The following SFSWAP variants were observed in gnomAD, a reference collection of about 807,000 sequenced individuals.
SFSWAP encodes splicing factor SWAP.
A neutral mutation model predicts 100.7 loss-of-function variants in SFSWAP; 17 were observed. The observed-to-expected ratio is 0.17, with a 90% confidence interval of 0.12 to 0.25. SFSWAP has a LOEUF of 0.25. SFSWAP is among the 10% of genes least tolerant of loss of function. The probability of loss-of-function intolerance (pLI) is 1.00; values close to 1 mark genes in which losing one functional copy is unlikely to be tolerated. For synonymous variants in SFSWAP, 504 were observed against 510.1 expected (o/e 0.99, Z 0.16); for missense variants, 1,005 against 1,262.6 (o/e 0.80, Z 3.09).
At chr12:131,766,513 C>T (rs1035916629) in intron 13 of SFSWAP, among the ~76,000 whole-genome samples, 1 of 152,232 alleles carries the variant, frequency 6.6e-6, no homozygotes, top group Admixed American at 6.5e-5. Context: ...AGTGCACAGT[C>T]ACGCCAGCAG....
At chr12:131,728,471 T>A (rs747499684) in intron 7 of SFSWAP, 43 bp downstream of exon 7, 3 of 1,593,626 alleles carry the variant, frequency 1.9e-6, no homozygotes, top group Non-Finnish European at 8.6e-7. Flanking sequence ...TTCAGCTGCC[T>A]GTGACAGAGC....
chr12:131,799,535 G>A lies in SFSWAP; in HGVS notation c.*47G>A, dbSNP rs1885923703. On this transcript the variant is annotated 3_prime_UTR_variant, in exon 18 of 18. Coordinates refer to ENST00000261674, the MANE Select transcript of SFSWAP (RefSeq NM_004592.4). ...GCCGGGAGGCTGCGTGGGCTTCTGGGCAGGCTCACGCAGACGCCGGCCACA... is the reference window on the plus strand; with the variant it reads ...GCCGGGAGGCTGCGTGGGCTTCTGGACAGGCTCACGCAGACGCCGGCCACA... 6.5e-7 allele frequency: 1 copy of A among 1,539,090 alleles called. No individual in the cohort carries two copies. Among genetic ancestry groups the A allele is most frequent in the Non-Finnish European group, 8.9e-7 (1 of 1,118,916 alleles).
At chr12:131,754,626 T>TG in intron 9 of SFSWAP, 127 bp downstream of exon 9, 1 of 272,772 alleles carries the variant, frequency 3.7e-6, no homozygotes, top group Non-Finnish European at 6.0e-6. Flanking sequence ...GGCTCAAATG[T>TG]CTTTTTTTTT....
At chr12:131,784,763 T>G (rs1249716520) in intron 14 of SFSWAP, 4 of 224,980 alleles carry the variant, frequency 1.8e-5, no homozygotes, top group African/African-American at 4.5e-5. Flanking sequence ...TCTAATGGTA[T>G]GTAGCCCCTC....
rs1230095682 is a variant in SFSWAP at position 131,780,710 on chromosome 12, G to A, written c.2408+2380G>A. Among the ~76,000 whole-genome samples the A allele has an allele frequency of 3.3e-5, 5 of 152,268 alleles. No homozygotes were observed. In the Middle Eastern group the frequency reaches 0.01, roughly 311 times the overall value. ...AATAAAAAATTTCCCACTTGAATAT[G>A]TTTCTTACGACATTACATAGCTGAA... On this transcript the variant is annotated intron_variant, in intron 14 of 17. Transcript: ENST00000261674.
At chr12:131,720,736 T>C (rs747720555) in intron 4 of SFSWAP, among the ~76,000 whole-genome samples, 3 of 152,222 alleles carry the variant, frequency 2.0e-5, no homozygotes, top group Non-Finnish European at 4.4e-5. Context: ...AAGGGCAATA[T>C]AAAAATAGCC....
chr12:131,725,613 A>G lies in SFSWAP; in HGVS notation c.815A>G (p.Lys272Arg). The G allele has an allele frequency of 6.2e-7, 1 of 1,613,744 alleles. No homozygotes were observed. Residue 272 changes from lysine to arginine, a missense_variant, in exon 5 of 18, where the codon AAA becomes AGA. Lys to Arg is a conservative substitution (Grantham distance 26). Around this residue, in one of 7 missense-constraint regions of SFSWAP, gnomAD observed 54 missense variants for 51.9 expected, o/e 1.04. Coordinates refer to ENST00000261674, the MANE Select transcript of SFSWAP (RefSeq NM_004592.4). This position sits in a 1 kb window ranked among gnomAD's most constrained non-coding sequence, Gnocchi z 4.3. The part of the protein sequence containing the change: ...EGRYTVLAEN[K>R]SDEKKKSGVS... The stretch of plus-strand genomic sequence containing the variant: ...CGCTACACTGTCCTGGCAGAAAACA[A>G]AAGTGACGAGAAAAAAAGTAGGTCC...
chr12:131,768,960 T>G (rs1213669449), intron 13 of SFSWAP, among the ~76,000 whole-genome samples: 1 of 152,088 alleles, frequency 6.6e-6, no homozygotes, highest in Admixed American at 6.6e-5. Context: ...ACCTCGTCTC[T>G]ACTAAAAATA....
chr12:131,768,181 C>G (rs1331544660), intron 13 of SFSWAP, among the ~76,000 whole-genome samples: 2 of 152,246 alleles, frequency 1.3e-5, no homozygotes, highest in East Asian at 1.9e-4. Flanking sequence ...AAACACAGCA[C>G]TGCATGCAGA....
At chr12:131,721,479 C>A (rs1211036476) in intron 4 of SFSWAP, among the ~76,000 whole-genome samples, 1 of 152,156 alleles carries the variant, frequency 6.6e-6, no homozygotes, top group Non-Finnish European at 1.5e-5. Flanking sequence ...TAACATGAAG[C>A]TTTAAAAAAT....
rs1362035073 is a variant in SFSWAP, at chr12:131,799,048, A to T, written c.2729A>T (p.Gln910Leu). 8 of 1,613,694 alleles carry T rather than the reference A, an allele frequency of 5.0e-6. No homozygotes were observed. The highest frequency in any genetic ancestry group is 6.8e-6 in the Non-Finnish European group (8 of 1,179,550). Reference protein sequence around the residue: ...SSQERSRGVSQEKEAQISSAI... With the variant: ...SSQERSRGVSLEKEAQISSAI... The stretch of plus-strand genomic sequence containing the variant: ...TCTCTCTGCATTAGGGGAGTCTCTC[A>T]GGAAAAAGAAGCCCAGATCTCTTCA... The change falls in exon 17 of 18, where the codon CAG (glutamine) becomes CTG (leucine). Residue 910 changes from glutamine (Q) to leucine (L), a missense_variant. This residue lies in a region of SFSWAP where 295 missense variants were observed against 347.9 expected (regional missense o/e 0.85). Transcript: ENST00000261674.
chr12:131,719,676 G>C, intron 4 of SFSWAP, 137 bp downstream of exon 4: 1 of 680,016 alleles, frequency 1.5e-6, no homozygotes, highest in East Asian at 2.7e-5. Context: ...AGTTAATGGA[G>C]AAAAAGATCA....
Position 131,714,932 on chromosome 12 carries a change from G to A in SFSWAP, c.499G>A (p.Glu167Lys). The change falls in exon 3 of 18, where the codon GAG becomes AAG. Residue 167 changes from glutamate (E) to lysine (K), a missense_variant. By Grantham distance (56) the Glu-to-Lys change is moderately conservative. This residue lies in a region of SFSWAP where 237 missense variants were observed against 337.0 expected (regional missense o/e 0.70). Coordinates refer to ENST00000261674, the MANE Select transcript of SFSWAP (RefSeq NM_004592.4). This position sits in a 1 kb window ranked among gnomAD's most constrained non-coding sequence, Gnocchi z 6.0. ...YYDPSEPTEE[E>K]EPSKQREKNE... The stretch of plus-strand genomic sequence containing the variant: ...CGACCCGTCAGAGCCGACGGAGGAG[G>A]AGGAGCCTTCCAAACAGAGAGGTGA... 1 of 1,614,096 alleles carries A rather than the reference G, an allele frequency of 6.2e-7. No homozygotes were observed. Among genetic ancestry groups the A allele is most frequent in the South Asian group, 1.1e-5 (1 of 91,076 alleles).
rs766442152 is a variant in SFSWAP, at chr12:131,797,299, T to G, written c.2656T>G (p.Ser886Ala). The change falls in exon 16 of 18, where the codon TCG (serine) becomes GCG (alanine). Residue 886 changes from serine (S) to alanine (A), a missense_variant. This residue lies in a region of SFSWAP where 295 missense variants were observed against 347.9 expected (regional missense o/e 0.85). Transcript: ENST00000261674. Reference protein sequence around the residue: ...APRPAAPAAHSAHSASVSPVE... With the variant: ...APRPAAPAAHAAHSASVSPVE... ...CCGGCCCGCGGCCCCCGCGGCCCAC[T>G]CGGCGCACTCAGCCAGCGTCTCCCC... The G allele has an allele frequency of 5.6e-6, 9 of 1,611,194 alleles. No individual in the cohort carries two copies. The East Asian group carries it at 2.0e-4, about 36-fold the overall frequency.
At chr12:131,789,678 C>A (rs1885120821) in intron 15 of SFSWAP, among the ~76,000 whole-genome samples, 1 of 140,486 alleles carries the variant, frequency 7.1e-6, no homozygotes, top group Non-Finnish European at 1.6e-5. Context: ...CTCCTCCGTT[C>A]GTGTGTGTAT....
At chr12:131,774,073 G>A (rs1368851659) in intron 13 of SFSWAP, among the ~76,000 whole-genome samples, 1 of 152,178 alleles carries the variant, frequency 6.6e-6, no homozygotes, top group African/African-American at 2.4e-5. Context: ...AAGTGAGCAC[G>A]AGAGACCGAC....
chr12:131,740,268 A>C (rs1332438539), intron 7 of SFSWAP, among the ~76,000 whole-genome samples: 1 of 152,118 alleles, frequency 6.6e-6, no homozygotes. Flanking sequence ...CATAAATAGC[A>C]ATTTGCAGGG....
At chr12:131,788,967 C>T (rs541167092) in intron 15 of SFSWAP, among the ~76,000 whole-genome samples, 1 of 151,884 alleles carries the variant, frequency 6.6e-6, no homozygotes, top group Admixed American at 6.6e-5. Flanking sequence ...AGATTTGCTG[C>T]TTTTTTTCTT....
At chr12:131,745,251 G>A (rs751953378) in intron 7 of SFSWAP, among the ~76,000 whole-genome samples, 8 of 152,196 alleles carry the variant, frequency 5.3e-5, no homozygotes, top group Non-Finnish European at 1.0e-4. Flanking sequence ...CTTGCAATAT[G>A]AGATTTATGT....
Sources: gnomAD v4.1 joint callset for allele counts (sites outside exome capture counted in the v4.1 genomes callset) on GRCh38, gnomAD v4.1.1 for gene constraint, gnomAD v4.1.1 regional missense constraint, Gnocchi (gnomAD v3.1) non-coding constraint, MANE v1.5 for transcripts, NCBI Gene and HGNC (gene_info 2026-07-23, HGNC 2026-07-21) for gene names.